The following CNBD1 variants were observed in gnomAD, a reference collection of about 807,000 sequenced individuals.
The protein encoded by CNBD1 is cyclic nucleotide binding domain containing 1, also known as cyclic nucleotide-binding domain-containing protein 1.
CNBD1 carries 71 observed loss-of-function variants against 54.4 expected under a neutral mutation model. The ratio of observed to expected loss-of-function variants is 1.30; its 90% CI spans 1.08 to 1.59. The LOEUF (loss-of-function observed/expected upper bound fraction) is 1.59. CNBD1 is among the 40% of genes most tolerant of loss of function. CNBD1 has a pLI of 0.00. For missense variants in CNBD1, 659 were observed against 518.0 expected (o/e 1.27, Z -2.64); for synonymous variants, 182 against 170.7 (o/e 1.07, Z -0.51).
At chr8:87,399,987 G>A (rs1042978194) in intron 2 of CNBD1, among the ~76,000 whole-genome samples, 4 of 151,714 alleles carry the variant, frequency 2.6e-5, no homozygotes, top group Non-Finnish European at 5.9e-5. Context: ...CACTGGAAAG[G>A]GAAACAAGAA....
At chr8:86,927,164 G>A (rs1272803206) in intron 3 of CNBD1, among the ~76,000 whole-genome samples, 1 of 152,160 alleles carries the variant, frequency 6.6e-6, no homozygotes, top group Non-Finnish European at 1.5e-5. Flanking sequence ...ACTTGCCAAG[G>A]TAGCTCTGGT....
At chr8:87,229,986 A>G (rs527875197) in intron 5 of CNBD1, among the ~76,000 whole-genome samples, 30 of 152,316 alleles carry the variant, frequency 2.0e-4, no homozygotes, top group African/African-American at 7.2e-4. Flanking sequence ...TAATTGCCTC[A>G]TGGTACCACA....
intron 3 of CNBD1, among the ~76,000 whole-genome samples, chr8:86,934,736 A>G (rs1194388815): frequency 6.6e-6 from 1 of 152,064 alleles, no homozygotes; most frequent in East Asian, 1.9e-4. Context: ...TTTTTTCCTT[A>G]CGTATTTTGT....
At position 87,190,557 on chromosome 8, in the gene CNBD1, G is replaced by A. The variant is rs149916090; in HGVS notation, c.432-15436G>A. On this transcript the variant is annotated intron_variant, in intron 4 of 10. Coordinates refer to ENST00000518476, the MANE Select transcript of CNBD1 (RefSeq NM_173538.3). ...ATATTTTTAATCCAGCTTCATTAAT[G>A]GGTCTATTTTCTTACTGTTTCTTTT... Among the ~76,000 whole-genome samples the A allele has an allele frequency of 5.9e-3, 902 of 152,040 alleles. 9 individuals carry two copies. Among genetic ancestry groups the A allele is most frequent in the Middle Eastern group, 0.037 (11 of 294 alleles).
chr8:87,389,024 G>C (rs975181460), intron 2 of CNBD1, among the ~76,000 whole-genome samples: 1 of 152,164 alleles, frequency 6.6e-6, no homozygotes, highest in Non-Finnish European at 1.5e-5. Context: ...AATAGATGCA[G>C]AAAAGGCCTT....
Position 87,074,772 on chromosome 8 carries a change from CCA to C in CNBD1, c.432-131220_432-131219del, listed in dbSNP as rs561340371. Among the ~76,000 whole-genome samples, 638 of 152,216 alleles carry C rather than the reference CCA, an allele frequency of 4.2e-3. 3 individuals are homozygous for C. The highest frequency in any genetic ancestry group is 0.015 in the African/African-American group (608 of 41,526). Reference sequence around the variant, plus strand: ...GGTCAGCTTGTTTGCCTAATCAGTCCCAAGGTGAGAACCTGGATATTTCAGTT... The same window carrying C: ...GGTCAGCTTGTTTGCCTAATCAGTCCAGGTGAGAACCTGGATATTTCAGTT... On this transcript the variant is annotated intron_variant, in intron 4 of 10. Transcript: ENST00000518476.
chr8:87,156,710 G>A (rs942290930), intron 4 of CNBD1, among the ~76,000 whole-genome samples: 1 of 152,042 alleles, frequency 6.6e-6, no homozygotes. Flanking sequence ...AGGGTTGGGG[G>A]TTAAGCCTGC....
At chr8:87,191,646 A>G (rs904512876) in intron 4 of CNBD1, among the ~76,000 whole-genome samples, 2 of 152,142 alleles carry the variant, frequency 1.3e-5, no homozygotes, top group Non-Finnish European at 2.9e-5. Flanking sequence ...TTAGAGATAC[A>G]TTTCATTTGA....
intron 4 of CNBD1, among the ~76,000 whole-genome samples, chr8:87,066,108 A>G (rs979754154): frequency 6.6e-6 from 1 of 152,036 alleles, no homozygotes; most frequent in African/African-American, 2.4e-5. Context: ...ATTCTCAGAC[A>G]TAGTCACAAT....
In CNBD1 at chr8:86,988,701, T is replaced by G. The variant is rs1014417301; in HGVS notation, c.431+48947T>G. Among the ~76,000 whole-genome samples the G allele has an allele frequency of 3.9e-5, 6 of 152,150 alleles. No homozygotes were observed. The East Asian group carries it at 1.2e-3, about 29-fold the overall frequency. ...CCCCTTTCCCAGCCTATGATATTCATTATTCTCTTCTCTACCTCCATTGAT... is the reference window on the plus strand; with the variant it reads ...CCCCTTTCCCAGCCTATGATATTCAGTATTCTCTTCTCTACCTCCATTGAT... On this transcript the variant is annotated intron_variant, in intron 4 of 10. Coordinates refer to ENST00000518476, the MANE Select transcript of CNBD1 (RefSeq NM_173538.3).
intron 8 of CNBD1, among the ~76,000 whole-genome samples, chr8:87,320,506 C>A (rs6993369): frequency 0.38 from 57,402 of 151,564 alleles, 11,145 homozygotes; most frequent in Middle Eastern, 0.45. Flanking sequence ...TATTTTGCCA[C>A]GAGTTAAAAT....
At chr8:86,946,066 C>T (rs1268707140) in intron 4 of CNBD1, among the ~76,000 whole-genome samples, 1 of 152,136 alleles carries the variant, frequency 6.6e-6, no homozygotes, top group African/African-American at 2.4e-5. Flanking sequence ...CATATTACTT[C>T]GTCCATTTTA....
intron 4 of CNBD1, among the ~76,000 whole-genome samples, chr8:87,024,595 G>A (rs945805878): frequency 2.0e-5 from 3 of 152,002 alleles, no homozygotes; most frequent in Non-Finnish European, 4.4e-5. Context: ...ACCCACCTCG[G>A]CCTCCCAAAC....
intron 5 of CNBD1, among the ~76,000 whole-genome samples, chr8:87,206,687 A>G (rs983206893): frequency 2.6e-5 from 4 of 152,170 alleles, no homozygotes; most frequent in African/African-American, 9.7e-5. Flanking sequence ...TCCCTTCATG[A>G]AGGATTTAGT....
intron 2 of CNBD1, among the ~76,000 whole-genome samples, chr8:86,894,284 A>G (rs986350026): frequency 1.4e-5 from 2 of 147,784 alleles, no homozygotes; most frequent in Non-Finnish European, 3.0e-5. Flanking sequence ...GATGGTCTCG[A>G]TCTCCTGACC....
intron 4 of CNBD1, among the ~76,000 whole-genome samples, chr8:86,963,921 G>A (rs942083632): frequency 6.6e-6 from 1 of 152,162 alleles, no homozygotes; most frequent in Non-Finnish European, 1.5e-5. Context: ...GGGACAGTCT[G>A]CCCTCCAATG....
intron 5 of CNBD1, among the ~76,000 whole-genome samples, chr8:87,233,119 A>C (rs1444446999): frequency 1.3e-5 from 2 of 152,216 alleles, no homozygotes; most frequent in Non-Finnish European, 2.9e-5. Flanking sequence ...TATTATATTC[A>C]ATGAATAATT....
At chr8:87,403,559 T>A (rs1464416528) in intron 2 of CNBD1, among the ~76,000 whole-genome samples, 1 of 152,078 alleles carries the variant, frequency 6.6e-6, no homozygotes, top group Non-Finnish European at 1.5e-5. Context: ...ATTTTCTGAA[T>A]GTTGCTTTAC....
intron 6 of CNBD1, among the ~76,000 whole-genome samples, chr8:87,265,674 A>G (rs1433584845): frequency 6.6e-6 from 1 of 152,112 alleles, no homozygotes; most frequent in Non-Finnish European, 1.5e-5. Flanking sequence ...CTTTTTCTTA[A>G]TAAAGTTTTT....
Sources: gnomAD v4.1 joint callset for allele counts (sites outside exome capture counted in the v4.1 genomes callset) on GRCh38, gnomAD v4.1.1 for gene constraint, MANE v1.5 for transcripts, NCBI Gene and HGNC (gene_info 2026-07-23, HGNC 2026-07-21) for gene names.